DIP2A: variants seen among roughly 807,000 people sequenced by gnomAD.
The protein encoded by DIP2A is disco-interacting protein 2 homolog A.
Under a neutral mutation model 177.4 loss-of-function variants are expected in DIP2A, and 85 were observed. The observed-to-expected ratio is 0.48, with a 90% CI of 0.40 to 0.57. The LOEUF (loss-of-function observed/expected upper bound fraction) is 0.57, where lower values mean the gene tolerates loss of function less well. Among genes scored for constraint, DIP2A ranks in the 20% least tolerant of loss-of-function variants. The pLI is 0.00. For synonymous variants in DIP2A, 886 were observed against 881.8 expected (o/e 1.00, Z -0.08); for missense variants, 1,791 against 2,100.2 (o/e 0.85, Z 2.88).
At chr21:46,527,335 T>TTG (rs952062326) in intron 8 of DIP2A, among the ~76,000 whole-genome samples, 3 of 146,174 alleles carry the variant, frequency 2.1e-5, no homozygotes, top group Admixed American at 6.8e-5. Flanking sequence ...GTTTTTTTTT[T>TTG]TTTTTTTTTT....
chr21:46,517,817 C>T (rs1340836050), intron 8 of DIP2A, among the ~76,000 whole-genome samples: 1 of 152,222 alleles, frequency 6.6e-6, no homozygotes, highest in African/African-American at 2.4e-5. Flanking sequence ...GATACTCAGC[C>T]CCCCGTGGGG....
At chr21:46,534,318 AC>A (rs1220306369) in intron 12 of DIP2A, among the ~76,000 whole-genome samples, 1 of 151,990 alleles carries the variant, frequency 6.6e-6, no homozygotes, top group Non-Finnish European at 1.5e-5. Context: ...TTCTCTCCTA[AC>A]TGGCTCCCTG....
rs913033092 is a variant in DIP2A at position 46,537,202 on chromosome 21, C to T, written c.1643-22C>T. On this transcript the variant is annotated intron_variant, in intron 13 of 37. Transcript: ENST00000417564. This position sits in a 1 kb window ranked among gnomAD's most constrained non-coding sequence, Gnocchi z 4.1. ...TATTGAGAGGGTTGCTCAGTGGTGT[C>T]ACCTTCTTTGTCCACTTGCAGCTGA... The T allele has an allele frequency of 6.2e-7, 1 of 1,613,878 alleles. No homozygotes were observed. The highest frequency in any genetic ancestry group is 1.7e-5 in the Admixed American group (1 of 60,028).
intron 28 of DIP2A, chr21:46,555,657 A>T (rs544864378): frequency 5.9e-6 from 2 of 340,718 alleles, no homozygotes; most frequent in South Asian, 5.3e-5. Context: ...GCTTTGCCAT[A>T]GGCTCTGTGA....
At position 46,484,841 on chromosome 21, in the gene DIP2A, C is replaced by T; in HGVS notation, c.163+13C>T. 2 of 1,558,122 alleles carry T rather than the reference C, an allele frequency of 1.3e-6. No individual in the cohort carries two copies. The highest frequency in any genetic ancestry group is 2.5e-5 in the South Asian group (2 of 81,534). On this transcript the variant is annotated intron_variant, in intron 2 of 37. Transcript: ENST00000417564. ...CCGCTTATTCAAGGTAAGGTCAATA[C>T]ACTCAGGTGTTACATAGCAATTATA...
At chr21:46,497,213 A>G (rs2057407080) in intron 4 of DIP2A, 106 bp downstream of exon 4, 3 of 1,362,302 alleles carry the variant, frequency 2.2e-6, no homozygotes, top group South Asian at 3.1e-5. Flanking sequence ...GGCCTGTAGT[A>G]TAGATTGGAC....
chr21:46,528,995 G>A (rs2059242411), intron 8 of DIP2A, 97 bp from the exon 9 acceptor site: 1 of 657,238 alleles, frequency 1.5e-6, no homozygotes, highest in Non-Finnish European at 2.5e-6. Flanking sequence ...CACTAATGGG[G>A]TAATGGTATA....
intron 9 of DIP2A, 48 bp from the exon 10 acceptor site, chr21:46,532,079 T>C (rs2059377629): frequency 4.6e-6 from 7 of 1,533,946 alleles, no homozygotes; most frequent in Non-Finnish European, 6.2e-6. Context: ...TAACTAGATA[T>C]TGTAAAAATT....
At chr21:46,516,139 T>C (rs2058563199) in intron 8 of DIP2A, among the ~76,000 whole-genome samples, 1 of 152,206 alleles carries the variant, frequency 6.6e-6, no homozygotes, top group African/African-American at 2.4e-5. Context: ...AGTGTTCTTT[T>C]TATTTGAATT....
At chr21:46,546,290 A>T in intron 20 of DIP2A, 1 of 1,106,246 alleles carries the variant, frequency 9.0e-7, no homozygotes, top group Non-Finnish European at 1.1e-6. Flanking sequence ...TTCAAAAATA[A>T]ATGCTTCTAT....
At chr21:46,547,187 G>A (rs2060087512) in intron 21 of DIP2A, 145 bp downstream of exon 21, 5 of 1,426,396 alleles carry the variant, frequency 3.5e-6, no homozygotes, top group Non-Finnish European at 4.6e-6. Context: ...TAAAGTAAAA[G>A]GAAAATATTT....
chr21:46,489,521 C>T (rs1241227260), intron 2 of DIP2A, among the ~76,000 whole-genome samples: 1 of 152,170 alleles, frequency 6.6e-6, no homozygotes, highest in Non-Finnish European at 1.5e-5. Context: ...TGTGGTGTTG[C>T]ACAGAGCCAG....
chr21:46,549,994 C>G (rs1408524683), intron 22 of DIP2A, 109 bp downstream of exon 22: 1 of 1,547,568 alleles, frequency 6.5e-7, no homozygotes, highest in Non-Finnish European at 8.7e-7. Context: ...TCCCTGGCTC[C>G]AGCTTTGTTT....
At chr21:46,517,054 CTTTTTTTTTTTTTT>C (rs71318086) in intron 8 of DIP2A, among the ~76,000 whole-genome samples, 2 of 60,826 alleles carry the variant, frequency 3.3e-5, no homozygotes, top group Non-Finnish European at 5.8e-5. Context: ...TTTTCTCTCT[CTTTTTTTTTTTTTT>C]TTTTTTTTTT....
In DIP2A at chr21:46,537,629, A is replaced by G. The variant is rs559563030; in HGVS notation, c.1801+90A>G. On this transcript the variant is annotated intron_variant, in intron 15 of 37. Coordinates refer to ENST00000417564, the MANE Select transcript of DIP2A (RefSeq NM_015151.4). The surrounding 1 kb of genome is among the most constrained non-coding windows in gnomAD (Gnocchi z 4.1). ...GTGCTTAAGAAAAAATAAAGCTGAC[A>G]TGTGGAACTGCAGATGTAGGCTGAA... 7.9e-7 allele frequency: 1 copy of G among 1,268,712 alleles called. No individual in the cohort carries two copies. The highest frequency in any genetic ancestry group is 1.1e-6 in the Non-Finnish European group (1 of 884,762). 78.6% of individuals were successfully genotyped at this position (1,268,712 alleles called of 1,614,324 possible). A position where few individuals can be genotyped will look rare whatever the true frequency, so the allele number is the denominator to read the frequency against.
intron 16 of DIP2A, chr21:46,539,600 G>A (rs963742239): frequency 1.8e-5 from 8 of 456,160 alleles, no homozygotes; most frequent in African/African-American, 1.6e-4. Context: ...CGTGCAGCTT[G>A]TCTCCCACCA....
At chr21:46,577,935 T>C in the DIP2A span, among the ~76,000 whole-genome samples, 1 of 152,214 alleles carries the variant, frequency 6.6e-6, no homozygotes, top group Non-Finnish European at 1.5e-5. Flanking sequence ...CACTCTGCCT[T>C]GTCTGTTGGT....
rs1477992013 is a variant in DIP2A, at chr21:46,558,376, G to A, written c.3952G>A (p.Val1318Met). Residue 1318 changes from valine (V) to methionine (M), a missense_variant, in exon 32 of 38, where the codon GTG (valine) becomes ATG (methionine). Val to Met is a conservative substitution (Grantham distance 21). Transcript: ENST00000417564. The part of the protein sequence containing the change: ...VSTTFGCRVN[V>M]AICLQGTAGP... ...CACCACGTTCGGGTGCAGGGTCAAC[G>A]TGGCCATCTGCCTCCAGGTGAGGTG... 7.6e-6 allele frequency: 12 copies of A among 1,588,170 alleles called. 1 individual carries two copies. The South Asian group carries it at 9.1e-5, about 12-fold the overall frequency.
chr21:46,496,896 C>G (rs2057387459), intron 3 of DIP2A, 92 bp from the exon 4 acceptor site: 1 of 1,334,178 alleles, frequency 7.5e-7, no homozygotes, highest in Non-Finnish European at 1.0e-6. Flanking sequence ...TCCTTTTACC[C>G]CCACTGAAAA....
Sources: allele counts gnomAD v4.1 joint callset (sites outside exome capture counted in the v4.1 genomes callset), GRCh38; gene constraint gnomAD v4.1.1; non-coding constraint Gnocchi (gnomAD v3.1); transcripts MANE v1.5; gene names NCBI Gene and HGNC (gene_info 2026-07-23, HGNC 2026-07-21).